POFUT3: variants seen among roughly 807,000 people sequenced by gnomAD.
POFUT3 encodes GDP-fucose protein O-fucosyltransferase 3.
the POFUT3 span, among the ~76,000 whole-genome samples, chr8:33,320,514 C>A: frequency 6.6e-6 from 1 of 151,986 alleles, no homozygotes; most frequent in Non-Finnish European, 1.5e-5. Context: ...ATAAACTACT[C>A]CAAAACTCAG....
At chr8:33,444,128 T>C in the POFUT3 span, among the ~76,000 whole-genome samples, 10 of 151,890 alleles carry the variant, frequency 6.6e-5, no homozygotes, top group Middle Eastern at 3.4e-3. Context: ...CAGGGAGTGA[T>C]AAGGGTTATG....
chr8:33,319,609 T>A, the POFUT3 span, among the ~76,000 whole-genome samples: 1 of 68,720 alleles, frequency 1.5e-5, no homozygotes. Flanking sequence ...TGTATTTATA[T>A]ATTATATAAA....
the POFUT3 span, chr8:33,460,818 C>A: frequency 1.1e-6 from 1 of 892,762 alleles, no homozygotes; most frequent in Non-Finnish European, 1.3e-6. Flanking sequence ...GGTCTCCCTG[C>A]CAGAGGTTTT....
the POFUT3 span, among the ~76,000 whole-genome samples, chr8:33,405,512 C>G: frequency 6.6e-6 from 1 of 151,872 alleles, no homozygotes; most frequent in Non-Finnish European, 1.5e-5. Flanking sequence ...GTCGATGATT[C>G]AAGAAATTAG....
At chr8:33,356,528 T>C in the POFUT3 span, among the ~76,000 whole-genome samples, 26 of 152,248 alleles carry the variant, frequency 1.7e-4, no homozygotes, top group African/African-American at 6.3e-4. Flanking sequence ...TGTTTTTTTT[T>C]TCTTGTAAAT....
At chr8:33,453,892 T>G in the POFUT3 span, among the ~76,000 whole-genome samples, 1 of 151,866 alleles carries the variant, frequency 6.6e-6, no homozygotes, top group African/African-American at 2.4e-5. Context: ...GAGGCAGAGG[T>G]TGCAGTGAGC....
At chr8:33,314,210 G>T in the POFUT3 span, among the ~76,000 whole-genome samples, 1 of 152,224 alleles carries the variant, frequency 6.6e-6, no homozygotes, top group South Asian at 2.1e-4. Flanking sequence ...CACTGTTTCC[G>T]AGAGAGAACA....
At chr8:33,467,608 A>G in the POFUT3 span, among the ~76,000 whole-genome samples, 1 of 152,208 alleles carries the variant, frequency 6.6e-6, no homozygotes, top group African/African-American at 2.4e-5. Flanking sequence ...GCTGGCATGC[A>G]ACACCAGGGT....
the POFUT3 span, chr8:33,436,285 T>C: frequency 7.4e-7 from 1 of 1,343,758 alleles, no homozygotes; most frequent in Non-Finnish European, 1.1e-6. Flanking sequence ...CACATCCCAC[T>C]GTGAAACTCT....
chr8:33,439,445 C>T, the POFUT3 span, among the ~76,000 whole-genome samples: 5 of 152,080 alleles, frequency 3.3e-5, no homozygotes, highest in African/African-American at 1.2e-4. Flanking sequence ...TGTTCCTGTT[C>T]TAATCTGTTC....
At chr8:33,458,260 T>G in the POFUT3 span, among the ~76,000 whole-genome samples, 1 of 83,498 alleles carries the variant, frequency 1.2e-5, no homozygotes, top group Non-Finnish European at 2.5e-5. Flanking sequence ...TCTCCTGAAC[T>G]GTAAAAAAAA....
At chr8:33,425,568 G>T in the POFUT3 span, among the ~76,000 whole-genome samples, 2 of 152,074 alleles carry the variant, frequency 1.3e-5, no homozygotes, top group East Asian at 3.9e-4. Flanking sequence ...ATGTTAGAAG[G>T]GACCTGAAGA....
chr8:33,445,350 C>G, the POFUT3 span, among the ~76,000 whole-genome samples: 1 of 152,188 alleles, frequency 6.6e-6, no homozygotes, highest in African/African-American at 2.4e-5. Context: ...CAATTACCTA[C>G]TATCTACATT....
the POFUT3 span, among the ~76,000 whole-genome samples, chr8:33,312,253 C>T: frequency 1.8e-4 from 24 of 129,840 alleles, no homozygotes; most frequent in African/African-American, 6.8e-4. Flanking sequence ...CAGAGCAAGA[C>T]TCCGTCTCAA....
chr8:33,345,554 C>T, the POFUT3 span, among the ~76,000 whole-genome samples: 1 of 151,844 alleles, frequency 6.6e-6, no homozygotes, highest in Non-Finnish European at 1.5e-5. Context: ...GCGCCTGCCA[C>T]CACGCCCAGC....
the POFUT3 span, among the ~76,000 whole-genome samples, chr8:33,325,185 T>C: frequency 1.3e-5 from 2 of 152,204 alleles, no homozygotes; most frequent in African/African-American, 4.8e-5. Context: ...GTCTCAATCA[T>C]AGCCAACTAC....
At chr8:33,381,789 T>C in the POFUT3 span, among the ~76,000 whole-genome samples, 3 of 152,206 alleles carry the variant, frequency 2.0e-5, no homozygotes, top group African/African-American at 7.2e-5. Context: ...TGGAAGACTC[T>C]TGTAGAAGCT....
At chr8:33,316,776 T>G in the POFUT3 span, among the ~76,000 whole-genome samples, 1 of 150,928 alleles carries the variant, frequency 6.6e-6, no homozygotes, top group South Asian at 2.1e-4. Flanking sequence ...CAGCAAAAAT[T>G]TGTTGTGTCT....
the POFUT3 span, chr8:33,372,649 T>C: frequency 1.2e-6 from 2 of 1,614,082 alleles, no homozygotes; most frequent in Non-Finnish European, 8.5e-7. Context: ...GCCACCTTAG[T>C]GCCTGGGCTT....
Sources: gnomAD v4.1 joint callset for allele counts (sites outside exome capture counted in the v4.1 genomes callset) on GRCh38, gnomAD v4.1.1 for gene constraint, MANE v1.5 for transcripts, NCBI Gene and HGNC (gene_info 2026-07-23, HGNC 2026-07-21) for gene names.